The following HTR2A variants were observed in gnomAD, a reference collection of about 807,000 sequenced individuals.
The protein encoded by HTR2A is 5-HT2 receptor.
Under a neutral mutation model 31.0 loss-of-function variants are expected in HTR2A, and 14 were observed. The ratio of observed to expected loss-of-function variants is 0.45; its 90% CI spans 0.30 to 0.71. The LOEUF is 0.71. Among genes scored for constraint, HTR2A ranks in the 30% least tolerant of loss-of-function variants. The pLI is 0.09. For missense variants in HTR2A, 442 were observed against 573.3 expected (o/e 0.77, Z 2.34); for synonymous variants, 209 against 225.2 (o/e 0.93, Z 0.64).
chr13:46,843,521 C>A (rs1470929645), intron 3 of HTR2A, among the ~76,000 whole-genome samples: 2 of 152,062 alleles, frequency 1.3e-5, no homozygotes, highest in Non-Finnish European at 2.9e-5. Context: ...GTAGGGAGGA[C>A]TCCTGAGGGC....
At chr13:46,858,401 G>T (rs1012319865) in intron 3 of HTR2A, among the ~76,000 whole-genome samples, 6 of 152,118 alleles carry the variant, frequency 3.9e-5, no homozygotes, top group African/African-American at 1.4e-4. Context: ...GCTGGGGAAT[G>T]ATGATGAGAC....
intron 3 of HTR2A, among the ~76,000 whole-genome samples, chr13:46,875,879 A>G (rs544172974): frequency 6.6e-6 from 1 of 152,354 alleles, no homozygotes; most frequent in South Asian, 2.1e-4. Flanking sequence ...GAACTGTAAT[A>G]GTAATATATG....
chr13:46,833,355 T>G lies in HTR2A; in HGVS notation c.*1482A>C, dbSNP rs564141222. The G allele has an allele frequency of 2.7e-5, 4 of 150,554 alleles. No homozygotes were observed. The highest frequency in any genetic ancestry group is 7.4e-5 in the African/African-American group (3 of 40,314). The allele number at this position is 150,554 out of a possible 1,614,324, so 9.3% of individuals were successfully genotyped here. ...TAAGACCATTTCAGTTTAGTCATTT[T>G]CTTTTTTTCTTTCTTTTTTTTTGTG... On this transcript the variant is annotated 3_prime_UTR_variant, in exon 4 of 4. Coordinates refer to ENST00000542664, the MANE Select transcript of HTR2A (RefSeq NM_000621.5).
At chr13:46,884,282 A>G (rs1347508081) in intron 3 of HTR2A, among the ~76,000 whole-genome samples, 1 of 152,224 alleles carries the variant, frequency 6.6e-6, no homozygotes, top group Non-Finnish European at 1.5e-5. Context: ...TTTCCATTTA[A>G]CAATTTCAGA....
chr13:46,846,684 C>T (rs1950645318), intron 3 of HTR2A, among the ~76,000 whole-genome samples: 1 of 151,954 alleles, frequency 6.6e-6, no homozygotes, highest in Non-Finnish European at 1.5e-5. Context: ...TGTCATATTG[C>T]CTTAAAAGTA....
intron 3 of HTR2A, among the ~76,000 whole-genome samples, chr13:46,865,458 G>A (rs1278254396): frequency 6.6e-6 from 1 of 152,032 alleles, no homozygotes; most frequent in Admixed American, 6.6e-5. Context: ...AGAGATTTCA[G>A]CCTTCAGTCC....
chr13:46,852,418 T>G (rs1950693523), intron 3 of HTR2A, among the ~76,000 whole-genome samples: 1 of 152,206 alleles, frequency 6.6e-6, no homozygotes, highest in East Asian at 1.9e-4. Flanking sequence ...GCTGGCCACG[T>G]CTGCTTACAC....
intron 3 of HTR2A, among the ~76,000 whole-genome samples, chr13:46,844,854 T>C (rs1355923459): frequency 6.6e-6 from 1 of 152,198 alleles, no homozygotes; most frequent in Admixed American, 6.5e-5. Context: ...CTAATTTTCA[T>C]GCAAGGCTTT....
intron 3 of HTR2A, among the ~76,000 whole-genome samples, chr13:46,844,222 A>G (rs544489777): frequency 1.3e-5 from 2 of 152,324 alleles, no homozygotes; most frequent in Non-Finnish European, 2.9e-5. Context: ...GCTTCTGCTT[A>G]TACTTAGAGC....
At position 46,878,022 on chromosome 13, in the gene HTR2A, A is replaced by C. The variant is rs186865621; in HGVS notation, c.613+14368T>G. On this transcript the variant is annotated intron_variant, in intron 3 of 3. Coordinates refer to ENST00000542664, the MANE Select transcript of HTR2A (RefSeq NM_000621.5). Reference sequence around the variant, plus strand: ...AGAGGTATGGACCAGGTCCATATTTATGGGGACTTTATGCCTTTCATTTAA... The same window carrying C: ...AGAGGTATGGACCAGGTCCATATTTCTGGGGACTTTATGCCTTTCATTTAA... 4.1e-3 allele frequency among the ~76,000 whole-genome samples: 628 copies of C among 152,296 alleles called. 5 individuals carry two copies. The highest frequency in any genetic ancestry group is 0.015 in the African/African-American group (606 of 41,560).
At chr13:46,838,084 G>C (rs542804227) in intron 3 of HTR2A, among the ~76,000 whole-genome samples, 1 of 152,140 alleles carries the variant, frequency 6.6e-6, no homozygotes, top group Non-Finnish European at 1.5e-5. Context: ...CTTATCCTTC[G>C]GAAAACTCTT....
In HTR2A at chr13:46,863,630, G is replaced by GA. The variant is rs59693757; in HGVS notation, c.614-27992dup. ...CACCAGAGTGAGACTCCCTCAAAAT[G>GA]AAAAAAAAAAAAAAAAAAAGAAAAA... is the stretch of plus-strand genomic sequence containing the variant. On this transcript the variant is annotated intron_variant, in intron 3 of 3. Coordinates refer to ENST00000542664, the MANE Select transcript of HTR2A (RefSeq NM_000621.5). Among the ~76,000 whole-genome samples the GA allele has an allele frequency of 6.6e-3, 390 of 59,280 alleles. 6 individuals are homozygous for GA. The highest frequency in any genetic ancestry group is 0.024 in the African/African-American group (348 of 14,460). The allele number at this position is 59,280 out of a possible 152,430, so 38.9% of individuals were successfully genotyped here.
At chr13:46,846,542 G>T (rs968432542) in intron 3 of HTR2A, among the ~76,000 whole-genome samples, 1 of 152,178 alleles carries the variant, frequency 6.6e-6, no homozygotes, top group Non-Finnish European at 1.5e-5. Context: ...ACCCAAGATA[G>T]GGGTCCTGCA....
rs1951102794 is a variant in HTR2A at position 46,896,152 on chromosome 13, C to G, written c.-246G>C. Reference sequence around the variant, plus strand: ...ACTGTTTGGTTTTATTATTTTCTCACCAAACCGAGGACAAAAAAGCAGAAT... The same window carrying G: ...ACTGTTTGGTTTTATTATTTTCTCAGCAAACCGAGGACAAAAAAGCAGAAT... On this transcript the variant is annotated 5_prime_UTR_variant, in exon 2 of 4. Coordinates refer to ENST00000542664, the MANE Select transcript of HTR2A (RefSeq NM_000621.5). 2 of 1,231,908 alleles carry G rather than the reference C, an allele frequency of 1.6e-6. No homozygotes were observed. The highest frequency in any genetic ancestry group is 2.0e-6 in the Non-Finnish European group (2 of 988,076). The allele number at this position is 1,231,908 out of a possible 1,614,324, so 76.3% of individuals were successfully genotyped here.
At chr13:46,851,111 A>T (rs904786817) in intron 3 of HTR2A, among the ~76,000 whole-genome samples, 5 of 152,226 alleles carry the variant, frequency 3.3e-5, no homozygotes, top group Admixed American at 1.3e-4. Context: ...CAACACAAAA[A>T]AGATTCTGAA....
At position 46,839,376 on chromosome 13, in the gene HTR2A, A is replaced by G. The variant is rs555276915; in HGVS notation, c.614-3737T>C. On this transcript the variant is annotated intron_variant, in intron 3 of 3. Transcript: ENST00000542664. ...GAAATTTTATGTCAAAAAACTTAGA[A>G]CACATAGATAGGCTTTGTGGGTACA... is the stretch of plus-strand genomic sequence containing the variant. 1.2e-4 allele frequency among the ~76,000 whole-genome samples: 19 copies of G among 152,286 alleles called. No homozygotes were observed. In the South Asian group the frequency reaches 3.9e-3, roughly 32 times the overall value.
At chr13:46,865,364 T>G (rs536310099) in intron 3 of HTR2A, among the ~76,000 whole-genome samples, 4 of 152,084 alleles carry the variant, frequency 2.6e-5, no homozygotes, top group African/African-American at 9.7e-5. Flanking sequence ...AGTGAGTACA[T>G]GACAAAAAAT....
chr13:46,891,262 T>G (rs1000637933), intron 3 of HTR2A, among the ~76,000 whole-genome samples: 1 of 152,204 alleles, frequency 6.6e-6, no homozygotes, highest in African/African-American at 2.4e-5. Context: ...CAAGTGTGAT[T>G]TGTTAGTGTT....
chr13:46,856,133 A>T (rs1318986600), intron 3 of HTR2A: 7 of 152,206 alleles, frequency 4.6e-5, no homozygotes, highest in Admixed American at 4.6e-4. Flanking sequence ...AGATTCAAGT[A>T]CATCTTCCTT....
Sources: allele counts gnomAD v4.1 joint callset (sites outside exome capture counted in the v4.1 genomes callset), GRCh38; gene constraint gnomAD v4.1.1; transcripts MANE v1.5; gene names NCBI Gene and HGNC (gene_info 2026-07-23, HGNC 2026-07-21).